VTI1A: variants seen among roughly 807,000 people sequenced by gnomAD.
VTI1A encodes vesicle transport through interaction with t-SNAREs homolog 1A.
VTI1A carries 22 observed loss-of-function variants against 34.9 expected under a neutral mutation model. The ratio of observed to expected loss-of-function variants is 0.63; its 90% CI spans 0.45 to 0.90. VTI1A has a LOEUF of 0.90. VTI1A is among the 40% of genes least tolerant of loss of function. VTI1A has a pLI of 0.00. For synonymous variants in VTI1A, 87 were observed against 97.3 expected, an observed-to-expected ratio of 0.89 and a Z score of 0.62; for missense variants, 268 against 275.6, an observed-to-expected ratio of 0.97 and a Z score of 0.20.
chr10:112,529,987 T>C (rs1322684318), intron 4 of VTI1A, among the ~76,000 whole-genome samples: 1 of 152,140 alleles, frequency 6.6e-6, no homozygotes, highest in African/African-American at 2.4e-5. Context: ...AACTATAAAG[T>C]ATGTTAATTT....
chr10:112,581,057 A>G (rs1005523045), intron 5 of VTI1A, among the ~76,000 whole-genome samples: 8 of 152,152 alleles, frequency 5.3e-5, no homozygotes, highest in African/African-American at 1.9e-4. Flanking sequence ...AGTTCCTAGG[A>G]AGATCAACTC....
chr10:112,489,296 T>TA lies in VTI1A; in HGVS notation c.264+24640dup, dbSNP rs141075389. ...TCAATTTCCTGGACTTATTGGAAGA[T>TA]ACAAGGTACTCCCTGAATCTCTGCT... On this transcript the variant is annotated intron_variant, in intron 3 of 7. Transcript: ENST00000393077. Among the ~76,000 whole-genome samples the TA allele has an allele frequency of 2.0e-3, 308 of 152,328 alleles. 2 individuals carry two copies. The highest frequency in any genetic ancestry group is 7.3e-3 in the African/African-American group (302 of 41,570).
At chr10:112,599,508 C>A (rs1329284272) in intron 5 of VTI1A, among the ~76,000 whole-genome samples, 1 of 152,152 alleles carries the variant, frequency 6.6e-6, no homozygotes, top group African/African-American at 2.4e-5. Flanking sequence ...CGCCAATAAG[C>A]GCTGAAGGAG....
At chr10:112,511,559 A>T (rs576235122) in intron 3 of VTI1A, among the ~76,000 whole-genome samples, 1 of 152,024 alleles carries the variant, frequency 6.6e-6, no homozygotes, top group Non-Finnish European at 1.5e-5. Flanking sequence ...GATTTTTTAC[A>T]TATTTGTATA....
chr10:112,482,929 T>C (rs1373483298), intron 3 of VTI1A, among the ~76,000 whole-genome samples: 1 of 152,196 alleles, frequency 6.6e-6, no homozygotes, highest in African/African-American at 2.4e-5. Flanking sequence ...TCTTTTGAAT[T>C]CTGTCGTGAC....
intron 5 of VTI1A, among the ~76,000 whole-genome samples, chr10:112,623,525 TGAGA>T (rs1845810413): frequency 6.6e-6 from 1 of 151,682 alleles, no homozygotes; most frequent in African/African-American, 2.4e-5. Flanking sequence ...GCCTGCTGGC[TGAGA>T]ACTCTCTTTG....
At chr10:112,488,148 A>G (rs2419637) in intron 3 of VTI1A, among the ~76,000 whole-genome samples, 86,274 of 152,032 alleles carry the variant, frequency 0.57, 26,421 homozygotes, top group Non-Finnish European at 0.69. Context: ...GCATTCTCCA[A>G]TGTTTGTACT....
chr10:112,648,379 C>G (rs1299532949), intron 5 of VTI1A, among the ~76,000 whole-genome samples: 5 of 152,164 alleles, frequency 3.3e-5, no homozygotes, highest in African/African-American at 2.4e-5. Flanking sequence ...CAGTGGCAAT[C>G]CTAGCCCATA....
At chr10:112,786,726 A>G (rs926835579) in intron 7 of VTI1A, among the ~76,000 whole-genome samples, 5 of 152,154 alleles carry the variant, frequency 3.3e-5, no homozygotes, top group Non-Finnish European at 5.9e-5. Flanking sequence ...TATCAATGTC[A>G]TGTGTCACAT....
At chr10:112,489,984 A>G (rs1418116047) in intron 3 of VTI1A, among the ~76,000 whole-genome samples, 2 of 152,200 alleles carry the variant, frequency 1.3e-5, no homozygotes, top group East Asian at 3.8e-4. Context: ...TTCTAACGTC[A>G]AATAAAAGAT....
intron 5 of VTI1A, among the ~76,000 whole-genome samples, chr10:112,551,427 A>G (rs11195992): frequency 2.0e-5 from 3 of 152,068 alleles, no homozygotes; most frequent in Non-Finnish European, 2.9e-5. Context: ...TGTGGACTGG[A>G]CTTCTATTGA....
intron 7 of VTI1A, among the ~76,000 whole-genome samples, chr10:112,693,298 G>A (rs1848667765): frequency 6.6e-6 from 1 of 152,178 alleles, no homozygotes; most frequent in Non-Finnish European, 1.5e-5. Flanking sequence ...TGTAATCCCA[G>A]CACTTTGGGA....
At chr10:112,451,678 C>T (rs1421248571) in intron 1 of VTI1A, among the ~76,000 whole-genome samples, 1 of 152,138 alleles carries the variant, frequency 6.6e-6, no homozygotes, top group Non-Finnish European at 1.5e-5. Context: ...TTATGCCAAG[C>T]CCTGGAGGAT....
intron 7 of VTI1A, among the ~76,000 whole-genome samples, chr10:112,792,897 A>C (rs971484687): frequency 2.6e-5 from 4 of 152,244 alleles, no homozygotes; most frequent in Non-Finnish European, 5.9e-5. Flanking sequence ...TCTTTTCAAA[A>C]TGCTGATCAG....
At chr10:112,748,052 A>G (rs1488546463) in intron 7 of VTI1A, among the ~76,000 whole-genome samples, 1 of 152,026 alleles carries the variant, frequency 6.6e-6, no homozygotes, top group East Asian at 1.9e-4. Flanking sequence ...TCATAGGTGG[A>G]GAAACTGAGG....
At chr10:112,525,247 T>A (rs1253496307) in intron 3 of VTI1A, among the ~76,000 whole-genome samples, 1 of 152,190 alleles carries the variant, frequency 6.6e-6, no homozygotes, top group East Asian at 1.9e-4. Context: ...CTCTGCAACG[T>A]TGTTGATTTT....
chr10:112,551,857 T>TG (rs1282503898), intron 5 of VTI1A, among the ~76,000 whole-genome samples: 1 of 152,160 alleles, frequency 6.6e-6, no homozygotes. Context: ...TGAGAATTCC[T>TG]GGGGGGTGTC....
chr10:112,618,524 T>TATAGAGAGAG lies in VTI1A; in HGVS notation c.428-49693_428-49692insTAGAGAGAGA, dbSNP rs748276058. Among the ~76,000 whole-genome samples the TATAGAGAGAG allele has an allele frequency of 2.7e-3, 95 of 34,574 alleles. 1 individual carries two copies. Among genetic ancestry groups the TATAGAGAGAG allele is most frequent in the South Asian group, 9.8e-3 (6 of 614 alleles). 22.7% of individuals were successfully genotyped at this position (34,574 alleles called of 152,430 possible). A position where few individuals can be genotyped will look rare whatever the true frequency, so the allele number is the denominator to read the frequency against. On this transcript the variant is annotated intron_variant, in intron 5 of 7. Coordinates refer to ENST00000393077, the MANE Select transcript of VTI1A (RefSeq NM_145206.4). ...ATATATATATATATATATATATATA[T>TATAGAGAGAG]AGAGAGAGAGAGAGAGAGAGAGAGT... is the stretch of plus-strand genomic sequence containing the variant.
intron 5 of VTI1A, among the ~76,000 whole-genome samples, chr10:112,580,883 A>T (rs1843901258): frequency 6.6e-6 from 1 of 152,228 alleles, no homozygotes; most frequent in Non-Finnish European, 1.5e-5. Flanking sequence ...TTTAGGAATA[A>T]CTACGTACTG....
Sources: gnomAD v4.1 joint callset for allele counts (sites outside exome capture counted in the v4.1 genomes callset) on GRCh38, gnomAD v4.1.1 for gene constraint, MANE v1.5 for transcripts, NCBI Gene and HGNC (gene_info 2026-07-23, HGNC 2026-07-21) for gene names.